The following SPATA7 variants were observed in gnomAD, a reference collection of about 807,000 sequenced individuals.
SPATA7 encodes the protein spermatogenesis associated 7, also known as spermatogenesis-associated protein 7.
Under a neutral mutation model 51.8 loss-of-function variants are expected in SPATA7, and 43 were observed. The ratio of observed to expected loss-of-function variants is 0.83; its 90% CI spans 0.65 to 1.07. The LOEUF is 1.07. SPATA7 is among the 50% of genes least tolerant of loss of function. The probability of loss-of-function intolerance (pLI) is 0.00; values close to 1 mark genes in which losing one functional copy is unlikely to be tolerated. For synonymous variants in SPATA7, 230 were observed against 252.8 expected (o/e 0.91, Z 0.86); for missense variants, 683 against 701.3 (o/e 0.97, Z 0.30).
At position 88,416,740 on chromosome 14, in the gene SPATA7, AAAAAG is replaced by A. The variant is rs748824159; in HGVS notation, c.269_273del (p.Lys90ArgfsTer6). The stretch of plus-strand genomic sequence containing the variant: ...AGACCAACAACGAAGAGAGAAACTC[AAAAAG>A]GAATTAGCACAATGTGAAAAAGAGT... On this transcript the variant is annotated frameshift_variant, in exon 5 of 12. Coordinates refer to ENST00000393545, the MANE Select transcript of SPATA7 (RefSeq NM_018418.5). LOFTEE classifies it high-confidence loss of function. 1.2e-6 allele frequency: 2 copies of A among 1,613,448 alleles called. No homozygotes were observed. The highest frequency in any genetic ancestry group is 8.5e-7 in the Non-Finnish European group (1 of 1,179,670).
rs2077275566 is a variant in SPATA7, at chr14:88,455,059, G to A, written c.178-1G>A. On this transcript the variant is annotated splice_acceptor_variant, in intron 3 of 3. Transcript: ENST00000554802. LOFTEE classifies it high-confidence loss of function. ...GGCTCAAGAATTTGCATTTCTAACAGATTCCAGATGCTGCTACTACTGGTC... is the reference window on the plus strand; with the variant it reads ...GGCTCAAGAATTTGCATTTCTAACAAATTCCAGATGCTGCTACTACTGGTC... The A allele has an allele frequency of 2.2e-6, 1 of 455,860 alleles. No individual in the cohort carries two copies. 28.2% of individuals were successfully genotyped at this position (455,860 alleles called of 1,614,324 possible).
At chr14:88,401,791 C>T (rs561534461) in intron 4 of SPATA7, among the ~76,000 whole-genome samples, 15 of 140,726 alleles carry the variant, frequency 1.1e-4, no homozygotes, top group African/African-American at 2.7e-4. Flanking sequence ...GGGCTTTGAC[C>T]GTGCCACTGA....
intron 4 of SPATA7, among the ~76,000 whole-genome samples, chr14:88,405,676 C>T (rs939344454): frequency 6.6e-6 from 1 of 152,066 alleles, no homozygotes. Context: ...TGAGCAATAC[C>T]ATAGGAAAAG....
At chr14:88,464,758 A>G (rs1010626858) in intron 4 of SPATA7, among the ~76,000 whole-genome samples, 5 of 151,102 alleles carry the variant, frequency 3.3e-5, no homozygotes, top group Non-Finnish European at 7.3e-5. Context: ...CTTATTTACA[A>G]TAATTTCCTG....
intron 11 of SPATA7, 83 bp downstream of exon 11, chr14:88,437,680 A>G: frequency 2.2e-6 from 3 of 1,371,608 alleles, no homozygotes; most frequent in South Asian, 1.3e-5. Context: ...CAAACAATAC[A>G]TTAAAAGCAA....
downstream of SPATA7, among the ~76,000 whole-genome samples, chr14:88,455,591 C>A (rs1331388131): frequency 6.6e-6 from 1 of 152,002 alleles, no homozygotes; most frequent in African/African-American, 2.4e-5. Flanking sequence ...CTTTACAAAC[C>A]AATAACAGTT....
At chr14:88,426,830 G>A (rs886072686) in intron 6 of SPATA7, 126 bp downstream of exon 6, 2 of 870,458 alleles carry the variant, frequency 2.3e-6, no homozygotes, top group Non-Finnish European at 3.6e-6. Flanking sequence ...GGAATGAGAT[G>A]AATGTGACTT....
chr14:88,394,843 C>T (rs1229169232), intron 3 of SPATA7, among the ~76,000 whole-genome samples: 3 of 152,070 alleles, frequency 2.0e-5, no homozygotes, highest in Non-Finnish European at 4.4e-5. Context: ...AATAGTATCA[C>T]TTCATAGTTT....
At chr14:88,391,923 G>A (rs2075757519) in intron 2 of SPATA7, among the ~76,000 whole-genome samples, 1 of 152,142 alleles carries the variant, frequency 6.6e-6, no homozygotes, top group South Asian at 2.1e-4. Context: ...AGCTTTCAAG[G>A]TACATTTTTA....
chr14:88,389,262 T>C (rs1387968559), intron 1 of SPATA7, among the ~76,000 whole-genome samples: 1 of 151,986 alleles, frequency 6.6e-6, no homozygotes. Context: ...CAGGGTCTTA[T>C]TCTGTTACCC....
intron 2 of SPATA7, among the ~76,000 whole-genome samples, chr14:88,392,337 A>C (rs1203143963): frequency 6.6e-6 from 1 of 152,198 alleles, no homozygotes; most frequent in Non-Finnish European, 1.5e-5. Context: ...GGTGGTTTTA[A>C]GTATGAGGCT....
intron 4 of SPATA7, among the ~76,000 whole-genome samples, chr14:88,403,961 T>A (rs2076138503): frequency 1.3e-5 from 2 of 152,198 alleles, no homozygotes; most frequent in Non-Finnish European, 2.9e-5. Context: ...TTATCTTGAT[T>A]ATGATCATTC....
At chr14:88,433,236 G>A in intron 10 of SPATA7, 24 bp downstream of exon 10, 1 of 1,463,448 alleles carries the variant, frequency 6.8e-7, no homozygotes, top group South Asian at 1.1e-5. Context: ...ATGGTGTTAT[G>A]TTAATTCAGG....
chr14:88,417,023 A>G (rs845760), intron 5 of SPATA7, among the ~76,000 whole-genome samples, 179 bp downstream of exon 5: 144,073 of 152,228 alleles, frequency 0.95, 68,471 homozygotes, highest in Non-Finnish European at 0.99. Context: ...ATTGGAAGGC[A>G]GACATAGACA....
At chr14:88,460,585 C>T (rs527689434) in intron 4 of SPATA7, among the ~76,000 whole-genome samples, 2 of 152,162 alleles carry the variant, frequency 1.3e-5, no homozygotes, top group Non-Finnish European at 2.9e-5. Context: ...CTTCTCTACA[C>T]TGTTTATTCT....
At chr14:88,391,289 A>C (rs1471812467) in intron 1 of SPATA7, 92 bp from the exon 2 acceptor site, 2 of 1,083,724 alleles carry the variant, frequency 1.8e-6, no homozygotes, top group Non-Finnish European at 2.7e-6. Context: ...TTTTGTGATA[A>C]ATTTATTATT....
intron 5 of SPATA7, among the ~76,000 whole-genome samples, chr14:88,418,140 ATTC>A (rs60421272): frequency 0.035 from 5,350 of 152,100 alleles, 303 homozygotes; most frequent in African/African-American, 0.12. Flanking sequence ...TTGTGCCTTC[ATTC>A]TTCTTCTTCA....
chr14:88,457,621 T>A (rs917227012), downstream of SPATA7, among the ~76,000 whole-genome samples: 11 of 152,192 alleles, frequency 7.2e-5, no homozygotes, highest in African/African-American at 2.4e-4. Flanking sequence ...TTAAGGAGAT[T>A]TTGGGCTGAG....
At chr14:88,386,865 C>A (rs59418855) in intron 1 of SPATA7, among the ~76,000 whole-genome samples, 3 of 152,022 alleles carry the variant, frequency 2.0e-5, no homozygotes, top group African/African-American at 7.3e-5. Flanking sequence ...AGTGCTACTC[C>A]GAATGTAGGA....
Sources: allele counts gnomAD v4.1 joint callset (sites outside exome capture counted in the v4.1 genomes callset), GRCh38; gene constraint gnomAD v4.1.1; transcripts MANE v1.5; gene names NCBI Gene and HGNC (gene_info 2026-07-23, HGNC 2026-07-21).